DMD: variants seen among roughly 807,000 people sequenced by gnomAD.
DMD encodes dystrophin.
Under a neutral mutation model 330.1 loss-of-function variants are expected in DMD, and 63 were observed. The ratio of observed to expected loss-of-function variants is 0.19; its 90% CI spans 0.16 to 0.24. The LOEUF is 0.24. Among genes scored for constraint, DMD ranks in the 10% least tolerant of loss-of-function variants. The pLI is 1.00. For synonymous variants in DMD, 1,223 were observed against 959.8 expected, an observed-to-expected ratio of 1.27 and a Z score of -5.07; for missense variants, 3,344 against 2,684.1, an observed-to-expected ratio of 1.25 and a Z score of -5.43.
At position 32,515,428 on chromosome X, in the gene DMD, A is replaced by G. The variant is rs2045761908; in HGVS notation, c.2292+2580T>C. ...AAGAGGGTAATCAAGTGCAGATCCG[A>G]GGAAGAGCCCAAAGCCAGATGACCA... On this transcript the variant is annotated intron_variant, in intron 18 of 78. Coordinates refer to ENST00000357033, the MANE Select transcript of DMD (RefSeq NM_004006.3). 5.4e-5 allele frequency among the ~76,000 whole-genome samples: 6 copies of G among 111,315 alleles called. No individual in the cohort carries two copies. In the Admixed American group the frequency reaches 5.7e-4, roughly 11 times the overall value.
At chrX:31,266,735 C>G in intron 62 of DMD, 2 of 1,048,328 alleles carry the variant, frequency 1.9e-6, no homozygotes, top group Non-Finnish European at 2.6e-6. Flanking sequence ...TTGACCGCCT[C>G]AGCTTGCCCC....
At chrX:31,173,116 T>A (rs2040165673) in intron 72 of DMD, among the ~76,000 whole-genome samples, 2 of 111,824 alleles carry the variant, frequency 1.8e-5, no homozygotes, top group Non-Finnish European at 3.8e-5. Context: ...GAAAATTAAT[T>A]ATTCTCTTCT....
chrX:32,018,341 T>C (rs920527161), intron 44 of DMD, among the ~76,000 whole-genome samples: 7 of 111,577 alleles, frequency 6.3e-5, no homozygotes, highest in African/African-American at 2.0e-4. Context: ...ATTCTAATTG[T>C]CCTCTTTTGT....
At chrX:31,888,025 C>T (rs2149741532) in intron 47 of DMD, among the ~76,000 whole-genome samples, 1 of 111,825 alleles carries the variant, frequency 8.9e-6, no homozygotes, top group Admixed American at 9.5e-5. Flanking sequence ...CCATTTTAGG[C>T]TATGTGTGAA....
chrX:32,804,073 A>G (rs752588628), intron 7 of DMD, among the ~76,000 whole-genome samples: 1 of 110,996 alleles, frequency 9.0e-6, no homozygotes, highest in Admixed American at 9.6e-5. Flanking sequence ...GTCTCCCACT[A>G]TTATTGTGTG....
intron 30 of DMD, among the ~76,000 whole-genome samples, chrX:32,408,344 A>G (rs1337144611): frequency 9.0e-6 from 1 of 111,685 alleles, no homozygotes; most frequent in Non-Finnish European, 1.9e-5. Flanking sequence ...ACACTAAGGA[A>G]GTGAGCAGCT....
intron 61 of DMD, among the ~76,000 whole-genome samples, chrX:31,329,358 A>G (rs962115251): frequency 8.9e-6 from 1 of 111,797 alleles, no homozygotes; most frequent in African/African-American, 3.3e-5. Flanking sequence ...AATACCATTC[A>G]GCATTAAAAA....
At chrX:31,870,851 T>C (rs2093879017) in intron 48 of DMD, among the ~76,000 whole-genome samples, 1 of 111,554 alleles carries the variant, frequency 9.0e-6, no homozygotes, top group Admixed American at 9.5e-5. Flanking sequence ...CCCCTCCCTG[T>C]GATTAAGATG....
intron 53 of DMD, among the ~76,000 whole-genome samples, chrX:31,658,604 A>T (rs2148618898): frequency 8.9e-6 from 1 of 112,708 alleles, no homozygotes; most frequent in Non-Finnish European, 1.9e-5. Context: ...TACAGAAAAT[A>T]TTGAACAACA....
rs764516612 is a variant in DMD, at chrX:31,146,397, T to G, written c.10815A>C (p.Lys3605Asn). The G allele has an allele frequency of 1.7e-5, 20 of 1,210,586 alleles. No homozygotes were observed. The highest frequency in any genetic ancestry group is 1.1e-4 in the Admixed American group (5 of 46,090). ...QLLEQPQAEAKVNGTTVSSPS... is the reference protein window; with the variant it reads ...QLLEQPQAEANVNGTTVSSPS... The stretch of plus-strand genomic sequence containing the variant: ...GAGAGGACACCGTTGTGCCATTCAC[T>G]TTGGCCTCTGCCTGGGGCTAAGTCA... Residue 3605 changes from lysine to asparagine, a missense_variant, in exon 76 of 79, where the codon AAA (lysine) becomes AAC (asparagine). Coordinates refer to ENST00000357033, the MANE Select transcript of DMD (RefSeq NM_004006.3).
At chrX:31,839,950 C>T (rs780083427) in intron 48 of DMD, among the ~76,000 whole-genome samples, 2 of 111,542 alleles carry the variant, frequency 1.8e-5, no homozygotes, top group South Asian at 3.7e-4. Flanking sequence ...ATTTCCTATA[C>T]AAATCTAAAA....
At chrX:32,250,958 G>A (rs1248548066) in intron 43 of DMD, among the ~76,000 whole-genome samples, 1 of 109,984 alleles carries the variant, frequency 9.1e-6, no homozygotes, top group Non-Finnish European at 1.9e-5. Context: ...ATGAAACACT[G>A]CATGGACTCA....
At chrX:33,220,709 T>A (rs781231806) in intron 1 of DMD, among the ~76,000 whole-genome samples, 2 of 111,894 alleles carry the variant, frequency 1.8e-5, no homozygotes, top group South Asian at 3.7e-4. Flanking sequence ...CTTTGTATTA[T>A]ATCCTTTGTG....
intron 76 of DMD, among the ~76,000 whole-genome samples, chrX:31,137,177 C>A (rs2035351435): frequency 9.0e-6 from 1 of 111,010 alleles, no homozygotes; most frequent in Non-Finnish European, 1.9e-5. Context: ...TGCCACCACG[C>A]CTGGCTAATT....
At chrX:32,540,330 C>A (rs1216083931) in intron 17 of DMD, among the ~76,000 whole-genome samples, 1 of 111,249 alleles carries the variant, frequency 9.0e-6, no homozygotes, top group African/African-American at 3.3e-5. Context: ...AAAATTTATG[C>A]AATAAATACA....
intron 13 of DMD, among the ~76,000 whole-genome samples, chrX:32,578,532 C>T (rs998656162): frequency 5.4e-5 from 6 of 111,730 alleles, no homozygotes; most frequent in Admixed American, 9.6e-5. Flanking sequence ...TATTGTTGTA[C>T]GTGCCAAGGA....
chrX:32,532,120 T>G (rs986780038), intron 17 of DMD, among the ~76,000 whole-genome samples: 1 of 111,302 alleles, frequency 9.0e-6, no homozygotes, highest in Admixed American at 9.6e-5. Flanking sequence ...CATGGTGAGC[T>G]CCAAAAGTCT....
chrX:31,445,505 C>T (rs756708953), intron 59 of DMD, among the ~76,000 whole-genome samples: 10 of 112,288 alleles, frequency 8.9e-5, no homozygotes, highest in African/African-American at 3.2e-4. Flanking sequence ...ACTCATGTCA[C>T]AACCAGAAAT....
At chrX:32,614,158 A>G in intron 12 of DMD, 145 bp downstream of exon 12, 2 of 597,003 alleles carry the variant, frequency 3.4e-6, no homozygotes, top group South Asian at 3.2e-5. Flanking sequence ...TTGCAAAAAC[A>G]ATTAGGTAAA....
Sources: gnomAD v4.1 joint callset for allele counts (sites outside exome capture counted in the v4.1 genomes callset) on GRCh38, gnomAD v4.1.1 for gene constraint, MANE v1.5 for transcripts, NCBI Gene and HGNC (gene_info 2026-07-23, HGNC 2026-07-21) for gene names.